Variants in EPX observed in about 807,000 individuals in gnomAD.
The protein encoded by EPX is eosinophil peroxidase.
EPX carries 60 observed loss-of-function variants against 73.0 expected under a neutral mutation model. The observed-to-expected ratio is 0.82, with a 90% confidence interval of 0.67 to 1.02. EPX has a LOEUF of 1.02. Among genes scored for constraint, EPX ranks in the 50% least tolerant of loss-of-function variants. The pLI, the probability that EPX is intolerant of heterozygous loss-of-function variation, is 0.00. For synonymous variants in EPX, 347 were observed against 389.2 expected (o/e 0.89, Z 1.28); for missense variants, 950 against 973.9 (o/e 0.98, Z 0.33).
At chr17:58,194,825 C>T (rs990427345) in intron 5 of EPX, 139 bp from the exon 6 acceptor site, 5 of 723,912 alleles carry the variant, frequency 6.9e-6, no homozygotes, top group Admixed American at 6.0e-5. Flanking sequence ...CCTCCAGGGA[C>T]AAAAGGGGCA....
At chr17:58,204,612 T>C in intron 12 of EPX, 124 bp from the exon 13 acceptor site, 1 of 599,632 alleles carries the variant, frequency 1.7e-6, no homozygotes, top group South Asian at 2.0e-5. Context: ...TTCCAGGCCC[T>C]AGGACTTTGG....
In EPX at chr17:58,199,750, C is replaced by T. The variant is rs528529420; in HGVS notation, c.1493C>T (p.Pro498Leu). 79 of 1,614,128 alleles carry T rather than the reference C, an allele frequency of 4.9e-5. 3 individuals are homozygous for T. The South Asian group carries it at 8.5e-4, about 17-fold the overall frequency. The stretch of plus-strand genomic sequence containing the variant: ...GCCTCCGCACCCAACTCGCATGTCC[C>T]ACTTAGCTCTGCCTTCTTTGCCAGC... ...YRASAPNSHV[P>L]LSSAFFASWR... Residue 498 changes from proline to leucine, a missense_variant, in exon 9 of 13, where the codon CCA becomes CTA. Pro to Leu is a moderately conservative substitution (Grantham distance 98). Coordinates refer to ENST00000225371, the MANE Select transcript of EPX (RefSeq NM_000502.6).
In EPX at chr17:58,193,388, G is replaced by C; in HGVS notation, c.188G>C (p.Arg63Pro). ...WTQKSIKQRLRSGSASPMDLL... is the reference protein window; with the variant it reads ...WTQKSIKQRLPSGSASPMDLL... ...CTGGGCAGCATCAAGCAGCGGCTTC[G>C]CAGCGGTTCAGCCAGCCCCATGGAC... is the stretch of plus-strand genomic sequence containing the variant. The change falls in exon 3 of 13, where the codon CGC becomes CCC. Residue 63 changes from arginine to proline, a missense_variant. By Grantham distance (103) the Arg-to-Pro change is moderately radical. Transcript: ENST00000225371. 6.2e-7 allele frequency: 1 copy of C among 1,614,168 alleles called. No individual in the cohort carries two copies. Among genetic ancestry groups the C allele is most frequent in the Admixed American group, 1.7e-5 (1 of 60,026 alleles).
chr17:58,193,154 C>T, intron 2 of EPX, 23 bp downstream of exon 2: 2 of 1,538,366 alleles, frequency 1.3e-6, no homozygotes, highest in African/African-American at 1.4e-5. Context: ...CTGGGGGCTG[C>T]ATGGGCCTGG....
rs35135976 is a variant in EPX at position 58,197,210 on chromosome 17, C to T, written c.1073C>T (p.Pro358Leu). Residue 358 changes from proline to leucine, a missense_variant, in exon 7 of 13, where the codon CCC (proline) becomes CTC (leucine). Pro to Leu is a moderately conservative substitution (Grantham distance 98). Coordinates refer to ENST00000225371, the MANE Select transcript of EPX (RefSeq NM_000502.6). ...LLPFDNLHDD[P>L]CLLTNRSARI... ...CCCTTCGACAACCTGCACGATGACC[C>T]CTGTCTCCTCACCAACCGCTCGGCG... is the stretch of plus-strand genomic sequence containing the variant. 504 of 1,613,552 alleles carry T rather than the reference C, an allele frequency of 3.1e-4. 4 individuals are homozygous for T. The East Asian group carries it at 0.011, about 36-fold the overall frequency.
Position 58,193,559 on chromosome 17 carries a change from C to G in EPX, c.346+13C>G. 1 of 1,613,616 alleles carries G rather than the reference C, an allele frequency of 6.2e-7. No individual in the cohort carries two copies. Among genetic ancestry groups the G allele is most frequent in the Non-Finnish European group, 8.5e-7 (1 of 1,179,658 alleles). On this transcript the variant is annotated intron_variant, in intron 3 of 12. Transcript: ENST00000225371. ...TTCAATGTCACTGGTACTCTGATCC[C>G]CACTGAGCCCGCTGGGCCTACCCTG...
Position 58,200,132 on chromosome 17 carries a change from G to T in EPX, c.1538-93G>T, listed in dbSNP as rs960721866. 57 of 1,245,184 alleles carry T rather than the reference G, an allele frequency of 4.6e-5. No homozygotes were observed. The East Asian group carries it at 5.6e-4, about 12-fold the overall frequency. The allele number at this position is 1,245,184 out of a possible 1,614,324, so 77.1% of individuals were successfully genotyped here. A position where few individuals can be genotyped will look rare whatever the true frequency, so the allele number is the denominator to read the frequency against. ...CGTTACTAACATACCCGACTGGCTT[G>T]TCCAGCTCTGGGCTAGCTTGGCATC... On this transcript the variant is annotated intron_variant, in intron 9 of 12. Transcript: ENST00000225371.
Position 58,199,577 on chromosome 17 carries a change from C to A in EPX, c.1320C>A (p.Gly440=). 1 of 1,614,160 alleles carries A rather than the reference C, an allele frequency of 6.2e-7. No individual in the cohort carries two copies. The highest frequency in any genetic ancestry group is 8.5e-7 in the Non-Finnish European group (1 of 1,180,022). The change falls in exon 9 of 13, where the codon GGC becomes GGA. Residue 440 remains glycine (G), a synonymous_variant. Coordinates refer to ENST00000225371, the MANE Select transcript of EPX (RefSeq NM_000502.6). ...TYRDFLPLVL[G]KARARRTLGH... The stretch of plus-strand genomic sequence containing the variant: ...GAGACTTTCTGCCCCTGGTTCTGGG[C>A]AAGGCCCGGGCCAGGAGAACCCTGG...
At position 58,193,413 on chromosome 17, in the gene EPX, C is replaced by T; in HGVS notation, c.213C>T (p.Asp71=). ...GCAGCGGTTCAGCCAGCCCCATGGA[C>T]CTCCTGTCCTACTTCAAACAACCGG... ...RLRSGSASPM[D]LLSYFKQPVA... is the part of the protein sequence containing the mutation. The change falls in exon 3 of 13, where the codon GAC becomes GAT. Residue 71 remains aspartate (D), a synonymous_variant. Transcript: ENST00000225371. 6.2e-7 allele frequency: 1 copy of T among 1,614,222 alleles called. No individual in the cohort carries two copies. The highest frequency in any genetic ancestry group is 8.5e-7 in the Non-Finnish European group (1 of 1,180,022).
intron 3 of EPX, 63 bp downstream of exon 3, chr17:58,193,609 G>T (rs377034228): frequency 6.3e-7 from 1 of 1,583,376 alleles, no homozygotes; most frequent in South Asian, 1.1e-5. Flanking sequence ...GAATCCAGGA[G>T]AGGGAGGCAG....
chr17:58,194,934 T>C (rs1251783300), intron 5 of EPX, 30 bp from the exon 6 acceptor site: 1 of 1,573,868 alleles, frequency 6.4e-7, no homozygotes, highest in South Asian at 1.1e-5. Flanking sequence ...AGGGAGCCCA[T>C]GTCCCGTGCT....
chr17:58,199,472 C>T (rs1968307922), intron 8 of EPX, 67 bp from the exon 9 acceptor site: 2 of 1,561,298 alleles, frequency 1.3e-6, no homozygotes, highest in South Asian at 1.1e-5. Flanking sequence ...GTCTGAGCCA[C>T]CCTTTGAAAA....
intron 9 of EPX, 111 bp from the exon 10 acceptor site, chr17:58,200,114 A>T (rs1398993451): frequency 1.2e-5 from 12 of 1,039,514 alleles, no homozygotes; most frequent in Non-Finnish European, 1.5e-5. Context: ...AAACGTTACT[A>T]ACATACCCGA....
chr17:58,197,524 C>T (rs1363705619), intron 7 of EPX, among the ~76,000 whole-genome samples: 1 of 152,228 alleles, frequency 6.6e-6, no homozygotes, highest in Non-Finnish European at 1.5e-5. Flanking sequence ...CAGCCACAGG[C>T]AGCTCCGACT....
chr17:58,195,006 A>G lies in EPX; in HGVS notation c.637A>G (p.Arg213Gly), dbSNP rs1306097106. ...CCAGATTGTGCGCTTCCCCAATGAG[A>G]GACTGACCTCCGACCGTGGCCGAGC... is the stretch of plus-strand genomic sequence containing the variant. The part of the protein sequence containing the change: ...SNQIVRFPNE[R>G]LTSDRGRALM... The change falls in exon 6 of 13, where the codon AGA becomes GGA. Residue 213 changes from arginine (R) to glycine (G), a missense_variant. Arg to Gly is a moderately radical substitution (Grantham distance 125, BLOSUM62 -2). Coordinates refer to ENST00000225371, the MANE Select transcript of EPX (RefSeq NM_000502.6). The G allele has an allele frequency of 1.2e-6, 2 of 1,614,122 alleles. No homozygotes were observed. Among genetic ancestry groups the G allele is most frequent in the Admixed American group, 1.7e-5 (1 of 60,030 alleles).
intron 11 of EPX, 105 bp from the exon 12 acceptor site, chr17:58,204,117 A>G (rs113438448): frequency 1.2e-6 from 1 of 826,526 alleles, no homozygotes; most frequent in South Asian, 1.4e-5. Flanking sequence ...GAATTTTGTG[A>G]GAATTGAATG....
At chr17:58,199,825 GT>G (rs1429208620) in intron 9 of EPX, 31 bp downstream of exon 9, 3 of 1,606,972 alleles carry the variant, frequency 1.9e-6, no homozygotes, top group South Asian at 1.1e-5. Context: ...GCAAATGGGG[GT>G]GAGGGTGGGG....
intron 6 of EPX, among the ~76,000 whole-genome samples, chr17:58,195,724 G>A (rs1004569971): frequency 3.3e-5 from 5 of 151,914 alleles, no homozygotes; most frequent in East Asian, 1.9e-4. Context: ...GCACACACAC[G>A]CTCCCTCTCA....
At chr17:58,198,485 G>C (rs1968292363) in intron 7 of EPX, among the ~76,000 whole-genome samples, 1 of 152,160 alleles carries the variant, frequency 6.6e-6, no homozygotes, top group Admixed American at 6.5e-5. Flanking sequence ...TTAAAACCAA[G>C]CAAATGATGG....
Sources: gnomAD v4.1 joint callset for allele counts (sites outside exome capture counted in the v4.1 genomes callset) on GRCh38, gnomAD v4.1.1 for gene constraint, MANE v1.5 for transcripts, NCBI Gene and HGNC (gene_info 2026-07-23, HGNC 2026-07-21) for gene names.